The following PTPN4 variants were observed in gnomAD, a reference collection of about 807,000 sequenced individuals.
The protein encoded by PTPN4 is tyrosine-protein phosphatase non-receptor type 4.
A neutral mutation model predicts 135.5 loss-of-function variants in PTPN4; 49 were observed. That is an observed-to-expected ratio of 0.36 (90% confidence interval 0.29 to 0.46). PTPN4 has a LOEUF of 0.46. PTPN4 is among the 20% of genes least tolerant of loss of function. PTPN4 has a pLI of 1.00. For missense variants in PTPN4, 860 were observed against 1,101.0 expected, an observed-to-expected ratio of 0.78 and a Z score of 3.10; for synonymous variants, 333 against 369.9, an observed-to-expected ratio of 0.90 and a Z score of 1.14.
chr2:119,904,865 C>T (rs1678461995), intron 10 of PTPN4, among the ~76,000 whole-genome samples: 1 of 152,090 alleles, frequency 6.6e-6, no homozygotes. Context: ...GAGAATTCAT[C>T]ACCACTAGAT....
At chr2:119,780,244 A>T (rs998100084) in intron 1 of PTPN4, among the ~76,000 whole-genome samples, 2 of 152,194 alleles carry the variant, frequency 1.3e-5, no homozygotes, top group African/African-American at 4.8e-5. Flanking sequence ...AGATATCATG[A>T]TCATAACACT....
chr2:119,948,327 C>T (rs920321513), intron 18 of PTPN4, among the ~76,000 whole-genome samples: 1 of 151,846 alleles, frequency 6.6e-6, no homozygotes, highest in African/African-American at 2.4e-5. Flanking sequence ...AAAAAGTTGC[C>T]TCTAGAGATG....
At chr2:119,921,278 T>TC (rs1162753165) in intron 12 of PTPN4, among the ~76,000 whole-genome samples, 2 of 152,000 alleles carry the variant, frequency 1.3e-5, no homozygotes, top group African/African-American at 4.8e-5. Context: ...AGAGCAAGAC[T>TC]CCATCTCAAA....
At chr2:119,838,761 C>G (rs1464857238) in intron 2 of PTPN4, among the ~76,000 whole-genome samples, 1 of 152,206 alleles carries the variant, frequency 6.6e-6, no homozygotes, top group African/African-American at 2.4e-5. Flanking sequence ...ACTGAAGAAT[C>G]TGCAACACTG....
At chr2:119,943,584 T>C (rs967543786) in intron 15 of PTPN4, among the ~76,000 whole-genome samples, 1 of 126,422 alleles carries the variant, frequency 7.9e-6, no homozygotes, top group Admixed American at 7.9e-5. Flanking sequence ...TTTTTTCTTT[T>C]TTTTTTTTTT....
At chr2:119,872,641 A>G (rs922063403) in intron 3 of PTPN4, among the ~76,000 whole-genome samples, 3 of 152,112 alleles carry the variant, frequency 2.0e-5, no homozygotes, top group Admixed American at 2.0e-4. Context: ...CCCCAGGTAC[A>G]GTTTACCTCT....
At chr2:119,847,311 CACACAT>C (rs1303781495) in intron 2 of PTPN4, among the ~76,000 whole-genome samples, 1 of 108,696 alleles carries the variant, frequency 9.2e-6, no homozygotes, top group African/African-American at 3.9e-5. Context: ...CACACACACA[CACACAT>C]ATATATATAT....
intron 13 of PTPN4, among the ~76,000 whole-genome samples, chr2:119,929,478 G>A (rs922242988): frequency 1.8e-4 from 28 of 151,510 alleles, no homozygotes; most frequent in African/African-American, 2.4e-4. Context: ...CTTTGTGTTC[G>A]CCTCAGCAGC....
chr2:119,887,248 G>A (rs1007347604), intron 9 of PTPN4, among the ~76,000 whole-genome samples: 1 of 152,104 alleles, frequency 6.6e-6, no homozygotes, highest in Non-Finnish European at 1.5e-5. Context: ...GAACACCTTG[G>A]GATGGCGAGG....
At chr2:119,774,222 G>C (rs1309189614) in intron 1 of PTPN4, among the ~76,000 whole-genome samples, 1 of 152,190 alleles carries the variant, frequency 6.6e-6, no homozygotes, top group Admixed American at 6.5e-5. Flanking sequence ...AATGCAGCTA[G>C]TGATGCTGGA....
intron 10 of PTPN4, among the ~76,000 whole-genome samples, chr2:119,907,458 G>A (rs763931917): frequency 2.6e-5 from 4 of 152,062 alleles, no homozygotes; most frequent in Non-Finnish European, 4.4e-5. Context: ...TTAAAAATTA[G>A]CTGGGCATAA....
intron 10 of PTPN4, among the ~76,000 whole-genome samples, chr2:119,913,950 C>CT (rs1678610671): frequency 6.6e-6 from 1 of 151,964 alleles, no homozygotes; most frequent in South Asian, 2.1e-4. Context: ...TCTGAAAAAA[C>CT]TTTGTAGCAA....
chr2:119,798,365 C>A (rs1463630085), intron 1 of PTPN4, among the ~76,000 whole-genome samples: 1 of 152,088 alleles, frequency 6.6e-6, no homozygotes, highest in Non-Finnish European at 1.5e-5. Flanking sequence ...CAGGGTTTCA[C>A]CATGTTGGCC....
chr2:119,826,903 C>G (rs1311468405), intron 2 of PTPN4, among the ~76,000 whole-genome samples: 1 of 152,074 alleles, frequency 6.6e-6, no homozygotes, highest in Non-Finnish European at 1.5e-5. Flanking sequence ...GTGGCATGCA[C>G]CTGTAGTCCT....
intron 15 of PTPN4, 70 bp downstream of exon 15, chr2:119,935,028 G>A (rs1388153466): frequency 6.9e-7 from 1 of 1,450,340 alleles, no homozygotes; most frequent in African/African-American, 1.4e-5. Context: ...AAAATAATCT[G>A]GGAAATTAGG....
At position 119,894,965 on chromosome 2, in the gene PTPN4, TG is replaced by T. The variant is rs200755450; in HGVS notation, c.676-5747del. On this transcript the variant is annotated intron_variant, in intron 9 of 26. Coordinates refer to ENST00000263708, the MANE Select transcript of PTPN4 (RefSeq NM_002830.4). ...GAAATATAAATTTGTAGAAATCTTT[TG>T]GGGGGCAAATATGAATATAATCTTT... is the stretch of plus-strand genomic sequence containing the variant. 6.4e-3 allele frequency among the ~76,000 whole-genome samples: 968 copies of T among 152,110 alleles called. 1 individual carries two copies. The highest frequency in any genetic ancestry group is 0.011 in the Admixed American group (174 of 15,300).
At chr2:119,953,528 A>G (rs1679238000) in intron 19 of PTPN4, among the ~76,000 whole-genome samples, 1 of 152,214 alleles carries the variant, frequency 6.6e-6, no homozygotes, top group Non-Finnish European at 1.5e-5. Flanking sequence ...TTGTTCATTT[A>G]GACTTGATAC....
chr2:119,866,111 A>T (rs573962439), intron 3 of PTPN4, among the ~76,000 whole-genome samples: 92 of 152,198 alleles, frequency 6.0e-4, no homozygotes, highest in African/African-American at 2.1e-3. Flanking sequence ...TAAATGAGGA[A>T]AATAATATTG....
At chr2:119,792,590 A>G (rs1691168308) in intron 1 of PTPN4, among the ~76,000 whole-genome samples, 1 of 152,264 alleles carries the variant, frequency 6.6e-6, no homozygotes, top group African/African-American at 2.4e-5. Flanking sequence ...TTTTATTAAC[A>G]TAATGAAGAA....
Sources: gnomAD v4.1 joint callset for allele counts (sites outside exome capture counted in the v4.1 genomes callset) on GRCh38, gnomAD v4.1.1 for gene constraint, MANE v1.5 for transcripts, NCBI Gene and HGNC (gene_info 2026-07-23, HGNC 2026-07-21) for gene names.